Variants in TMLHE observed in about 807,000 individuals in gnomAD.
TMLHE encodes the protein trimethyllysine hydroxylase, epsilon.
A neutral mutation model predicts 25.7 loss-of-function variants in TMLHE; 18 were observed. That is an observed-to-expected ratio of 0.70 (90% CI 0.48 to 1.04). TMLHE has a LOEUF of 1.04. TMLHE is among the 50% of genes least tolerant of loss of function. The probability of loss-of-function intolerance (pLI) is 0.00; values close to 1 mark genes in which losing one functional copy is unlikely to be tolerated. For missense variants in TMLHE, 236 were observed against 259.0 expected, an observed-to-expected ratio of 0.91 and a Z score of 0.61; for synonymous variants, 105 against 97.0, an observed-to-expected ratio of 1.08 and a Z score of -0.49.
rs189332746 is a variant in TMLHE, at chrX:155,580,559, G to A, written c.-2+32233C>T. Among the ~76,000 whole-genome samples the A allele has an allele frequency of 1.6e-3, 181 of 112,110 alleles. 1 individual carries two copies. The highest frequency in any genetic ancestry group is 1.7e-3 in the Non-Finnish European group (89 of 53,201). On this transcript the variant is annotated intron_variant, in intron 1 of 7. Transcript: ENST00000334398. ...GTTTATTGCAGCACTATATTAGTCC[G>A]TTTTCACACTGCTGATAAAGACATA...
chrX:155,548,535 G>GTTCGAGA, intron 1 of TMLHE, among the ~76,000 whole-genome samples: 1 of 109,194 alleles, frequency 9.2e-6, no homozygotes, highest in Non-Finnish European at 1.9e-5. Context: ...GCAGTATGAG[G>GTTCGAGA]CCAGCCTGAC....
At chrX:155,555,395 T>C (rs1302991906) in intron 1 of TMLHE, among the ~76,000 whole-genome samples, 25 of 110,619 alleles carry the variant, frequency 2.3e-4, no homozygotes, top group African/African-American at 8.3e-4. Flanking sequence ...ATATACCTAG[T>C]AATGGAATCA....
At chrX:155,510,648 G>A (rs12928758) in intron 5 of TMLHE, among the ~76,000 whole-genome samples, 14 of 109,184 alleles carry the variant, frequency 1.3e-4, no homozygotes, top group African/African-American at 3.7e-4. Flanking sequence ...CCAGTCTATC[G>A]TTGTTGGACA....
At chrX:155,596,757 T>C (rs1263130629) in intron 1 of TMLHE, among the ~76,000 whole-genome samples, 2 of 111,771 alleles carry the variant, frequency 1.8e-5, no homozygotes, top group Non-Finnish European at 3.8e-5. Flanking sequence ...AGTTCCCCAA[T>C]CTTTTGGCGC....
chrX:155,549,946 C>T (rs1183160718), intron 1 of TMLHE, among the ~76,000 whole-genome samples: 4 of 109,777 alleles, frequency 3.6e-5, no homozygotes, highest in Non-Finnish European at 7.6e-5. Context: ...CATTGTTCAA[C>T]TCCCACTTAT....
At chrX:155,591,040 A>C (rs1252625987) in intron 1 of TMLHE, among the ~76,000 whole-genome samples, 2 of 111,712 alleles carry the variant, frequency 1.8e-5, no homozygotes, top group Non-Finnish European at 1.9e-5. Flanking sequence ...GTAAGCCTTA[A>C]AGAGAGCTAG....
rs1603070823 is a variant in TMLHE, at chrX:155,569,440, G to A, written c.-1-24163C>T. Among the ~76,000 whole-genome samples, 2 of 57,192 alleles carry A rather than the reference G, an allele frequency of 3.5e-5. 1 individual carries two copies. The highest frequency in any genetic ancestry group is 8.4e-5 in the African/African-American group (2 of 23,768). The allele number at this position is 57,192 out of a possible 115,157, so 49.7% of individuals were successfully genotyped here. ...GATATTATCCAGGAGAACTTCCCCA[G>A]TCTAGCAAGGCAGGCCAACATTCAG... On this transcript the variant is annotated intron_variant, in intron 1 of 7. Coordinates refer to ENST00000334398, the MANE Select transcript of TMLHE (RefSeq NM_018196.4).
At chrX:155,558,836 G>C (rs921482201) in intron 1 of TMLHE, among the ~76,000 whole-genome samples, 12 of 111,231 alleles carry the variant, frequency 1.1e-4, no homozygotes, top group Admixed American at 1.9e-4. Context: ...TATTAGTCTT[G>C]CTGAAATTTC....
intron 4 of TMLHE, among the ~76,000 whole-genome samples, chrX:155,512,551 C>T (rs2067124885): frequency 9.0e-6 from 1 of 110,677 alleles, no homozygotes; most frequent in Non-Finnish European, 1.9e-5. Context: ...GCCACATTTT[C>T]TTAATCCAGT....
At chrX:155,579,016 T>C (rs2067608300) in intron 1 of TMLHE, among the ~76,000 whole-genome samples, 1 of 111,894 alleles carries the variant, frequency 8.9e-6, no homozygotes, top group Non-Finnish European at 1.9e-5. Context: ...CCATTTACAA[T>C]AGCTACAAAA....
chrX:155,547,200 A>C (rs782083373), intron 1 of TMLHE, among the ~76,000 whole-genome samples: 11 of 95,904 alleles, frequency 1.1e-4, no homozygotes, highest in South Asian at 1.1e-3. Context: ...GCTGGAGTGC[A>C]GTGGCGCTAT....
chrX:155,533,101 G>A (rs1229420156), intron 2 of TMLHE, among the ~76,000 whole-genome samples: 2 of 111,229 alleles, frequency 1.8e-5, no homozygotes, highest in Non-Finnish European at 3.8e-5. Flanking sequence ...TCTGCAATGC[G>A]GGAATAATTC....
chrX:155,581,173 T>A (rs1209338476), intron 1 of TMLHE, among the ~76,000 whole-genome samples: 1 of 111,409 alleles, frequency 9.0e-6, no homozygotes, highest in Non-Finnish European at 1.9e-5. Context: ...GGAACGTATC[T>A]CAAAATAATA....
rs1300851068 is a variant in TMLHE at position 155,555,750 on chromosome X, T to A, written c.-1-10473A>T. On this transcript the variant is annotated intron_variant, in intron 1 of 7. Coordinates refer to ENST00000334398, the MANE Select transcript of TMLHE (RefSeq NM_018196.4). ...TTTTCTTGTAAGTTTGTTTGAGTTCTTTGTAGATTCTGGATATTAGCCCTT... is the reference window on the plus strand; with the variant it reads ...TTTTCTTGTAAGTTTGTTTGAGTTCATTGTAGATTCTGGATATTAGCCCTT... Among the ~76,000 whole-genome samples the A allele has an allele frequency of 1.4e-4, 16 of 110,861 alleles. 1 individual carries two copies. The highest frequency in any genetic ancestry group is 4.6e-4 in the African/African-American group (14 of 30,320).
At chrX:155,504,751 C>T (rs1384105547) in intron 6 of TMLHE, among the ~76,000 whole-genome samples, 2 of 111,077 alleles carry the variant, frequency 1.8e-5, no homozygotes, top group African/African-American at 6.6e-5. Flanking sequence ...TTCACAGCAA[C>T]TTTATTCATA....
chrX:155,574,004 T>C (rs1557343537), intron 1 of TMLHE, among the ~76,000 whole-genome samples: 2 of 105,364 alleles, frequency 1.9e-5, no homozygotes, highest in Non-Finnish European at 3.8e-5. Context: ...TAAAATAAAA[T>C]AAAATAATAC....
intron 5 of TMLHE, among the ~76,000 whole-genome samples, chrX:155,509,756 A>G (rs900850930): frequency 1.8e-5 from 2 of 111,550 alleles, no homozygotes; most frequent in Admixed American, 9.6e-5. Context: ...GAGCAATTGC[A>G]TATTATCATC....
chrX:155,540,582 A>G lies in TMLHE; in HGVS notation c.181+4514T>C, dbSNP rs189165477. 1.8e-3 allele frequency among the ~76,000 whole-genome samples: 203 copies of G among 111,834 alleles called. 1 individual carries two copies. Among genetic ancestry groups the G allele is most frequent in the African/African-American group, 6.3e-3 (193 of 30,872 alleles). ...GAAAAAGGATGATAAATAGCAACAC[A>G]AAACCATATGAAAATATAAACCTTC... is the stretch of plus-strand genomic sequence containing the variant. On this transcript the variant is annotated intron_variant, in intron 2 of 7. Coordinates refer to ENST00000334398, the MANE Select transcript of TMLHE (RefSeq NM_018196.4).
intron 1 of TMLHE, among the ~76,000 whole-genome samples, chrX:155,601,095 A>G (rs1481280618): frequency 8.9e-6 from 1 of 112,136 alleles, no homozygotes; most frequent in East Asian, 2.8e-4. Flanking sequence ...TAAGAATTCT[A>G]TATCCAGCAA....
Sources: allele counts gnomAD v4.1 joint callset (sites outside exome capture counted in the v4.1 genomes callset), GRCh38; gene constraint gnomAD v4.1.1; transcripts MANE v1.5; gene names NCBI Gene and HGNC (gene_info 2026-07-23, HGNC 2026-07-21).